PCDHGA2: variants seen among roughly 807,000 people sequenced by gnomAD.
PCDHGA2 encodes the protein protocadherin gamma-A2.
A neutral mutation model predicts 59.2 loss-of-function variants in PCDHGA2; 40 were observed. The ratio of observed to expected loss-of-function variants is 0.68; its 90% CI spans 0.52 to 0.88. The LOEUF (loss-of-function observed/expected upper bound fraction) is 0.88, where lower values mean the gene tolerates loss of function less well. PCDHGA2 is among the 40% of genes least tolerant of loss of function. The pLI, the probability that PCDHGA2 is intolerant of heterozygous loss-of-function variation, is 0.00. For missense variants in PCDHGA2, 1,226 were observed against 1,204.0 expected, an observed-to-expected ratio of 1.02 and a Z score of -0.27; for synonymous variants, 560 against 526.0, an observed-to-expected ratio of 1.06 and a Z score of -0.89.
In PCDHGA2 at chr5:141,432,446, C is replaced by T. The variant is rs765059815; in HGVS notation, c.2425-62361C>T. The T allele has an allele frequency of 1.2e-6, 2 of 1,614,256 alleles. No individual in the cohort carries two copies. Among genetic ancestry groups the T allele is most frequent in the Non-Finnish European group, 8.5e-7 (1 of 1,180,052 alleles). On this transcript the variant is annotated intron_variant, in intron 1 of 3. Transcript: ENST00000394576. The surrounding 1 kb of genome is among the most constrained non-coding windows in gnomAD (Gnocchi z 6.0). ...CCAGAACGACAATGCGCCCGAGATC[C>T]TGTACCCCGCCCTCCCCACGGACGG...
intron 1 of PCDHGA2, chr5:141,395,039 T>A: frequency 6.2e-7 from 1 of 1,614,020 alleles, no homozygotes; most frequent in Non-Finnish European, 8.5e-7. Context: ...ATTTTGTGGG[T>A]GTTGAGGAGG....
intron 1 of PCDHGA2, chr5:141,414,112 T>C (rs967826724): frequency 1.3e-6 from 2 of 1,592,428 alleles, no homozygotes; most frequent in African/African-American, 2.7e-5. Context: ...AAATCTAGAT[T>C]ATGAAGAAAC....
chr5:141,508,961 A>G (rs991011427), intron 3 of PCDHGA2, among the ~76,000 whole-genome samples: 2 of 151,978 alleles, frequency 1.3e-5, no homozygotes, highest in Non-Finnish European at 2.9e-5. Flanking sequence ...TGTCAGCGGA[A>G]TGAAAGGGCT....
chr5:141,428,110 C>G (rs917739943), intron 1 of PCDHGA2: 11 of 1,607,538 alleles, frequency 6.8e-6, no homozygotes, highest in Middle Eastern at 3.4e-4. Context: ...GTGCTGCAGG[C>G]CATCGAGCCC....
intron 1 of PCDHGA2, among the ~76,000 whole-genome samples, chr5:141,450,783 G>A (rs2879228): frequency 0.25 from 37,099 of 150,510 alleles, 4,810 homozygotes; most frequent in Admixed American, 0.32. Flanking sequence ...CACCGTGCCC[G>A]GACCTCATGA....
Position 141,409,742 on chromosome 5 carries a change from G to A in PCDHGA2, c.2424+68347G>A, listed in dbSNP as rs763304955. On this transcript the variant is annotated intron_variant, in intron 1 of 3. Coordinates refer to ENST00000394576, the MANE Select transcript of PCDHGA2 (RefSeq NM_018915.4). Reference sequence around the variant, plus strand: ...GTCAGTGAGCGCGCAGAGCGGGGTGGTGTTCGCGCAGCGCGCCTTTGATCA... The same window carrying A: ...GTCAGTGAGCGCGCAGAGCGGGGTGATGTTCGCGCAGCGCGCCTTTGATCA... 4.3e-6 allele frequency: 7 copies of A among 1,612,986 alleles called. No individual in the cohort carries two copies. In the South Asian group the frequency reaches 5.5e-5, roughly 13 times the overall value.
intron 1 of PCDHGA2, chr5:141,478,721 C>A: frequency 6.5e-7 from 1 of 1,543,216 alleles, no homozygotes; most frequent in Non-Finnish European, 8.8e-7. Context: ...TGGTGGCCTG[C>A]CAGAGTGTGG....
rs1452714844 is a variant in PCDHGA2, at chr5:141,389,265, G to A, written c.2424+47870G>A. ...GTCTTCCTATATAGTCCACGTGGCC[G>A]AGAACAACCCGCCTGGAGCCTCTAT... On this transcript the variant is annotated intron_variant, in intron 1 of 3. Transcript: ENST00000394576. 3.7e-6 allele frequency: 6 copies of A among 1,613,886 alleles called. No homozygotes were observed. The highest frequency in any genetic ancestry group is 4.5e-5 in the East Asian group (2 of 44,886).
chr5:141,505,694 G>A, intron 3 of PCDHGA2, among the ~76,000 whole-genome samples: 1 of 152,208 alleles, frequency 6.6e-6, no homozygotes, highest in East Asian at 1.9e-4. Flanking sequence ...GCCTGGAGGA[G>A]AGCGAACAAG....
chr5:141,485,609 G>T lies in PCDHGA2; in HGVS notation c.2425-9198G>T. On this transcript the variant is annotated intron_variant, in intron 1 of 3. Coordinates refer to ENST00000394576, the MANE Select transcript of PCDHGA2 (RefSeq NM_018915.4). The surrounding 1 kb of genome is among the most constrained non-coding windows in gnomAD (Gnocchi z 5.7). ...GCTGGACTTGGAAATTGGGGAGGCA[G>T]CTCCTCCAGGACAGCGTTTCCCGTT... The T allele has an allele frequency of 6.2e-7, 1 of 1,612,256 alleles. No homozygotes were observed. Among genetic ancestry groups the T allele is most frequent in the Non-Finnish European group, 8.5e-7 (1 of 1,178,656 alleles).
At chr5:141,360,672 T>G (rs1209548747) in intron 1 of PCDHGA2, 1 of 1,614,002 alleles carries the variant, frequency 6.2e-7, no homozygotes, top group East Asian at 2.2e-5. Flanking sequence ...AGTACTTTGA[T>G]CTCGCTGAGA....
intron 1 of PCDHGA2, chr5:141,399,667 C>T (rs752195462): frequency 1.2e-6 from 2 of 1,613,634 alleles, no homozygotes; most frequent in Non-Finnish European, 8.5e-7. Context: ...GTTCGCGCAG[C>T]GCGCCTTTGA....
rs766335156 is a variant in PCDHGA2 at position 141,345,889 on chromosome 5, T to C, written c.2424+4494T>C. On this transcript the variant is annotated intron_variant, in intron 1 of 3. Transcript: ENST00000394576. ...GCCAGCGAGCCGGGACTCTTCTCGGTGGGTCTGCACACGGGCGAGGTGCGC... is the reference window on the plus strand; with the variant it reads ...GCCAGCGAGCCGGGACTCTTCTCGGCGGGTCTGCACACGGGCGAGGTGCGC... The C allele has an allele frequency of 3.1e-6, 5 of 1,613,236 alleles. No individual in the cohort carries two copies. The Admixed American group carries it at 8.3e-5, about 27-fold the overall frequency.
At chr5:141,389,638 T>C in intron 1 of PCDHGA2, 1 of 1,612,986 alleles carries the variant, frequency 6.2e-7, no homozygotes, top group Non-Finnish European at 8.5e-7. Flanking sequence ...CCTGGCTACT[T>C]GGTGACCAAG....
chr5:141,433,357 G>GCCTA, intron 1 of PCDHGA2: 1 of 569,056 alleles, frequency 1.8e-6, no homozygotes, highest in Non-Finnish European at 3.1e-6. Context: ...CCTACTGTCT[G>GCCTA]CCTATCTATC....
At chr5:141,472,010 C>T (rs1305786275) in intron 1 of PCDHGA2, among the ~76,000 whole-genome samples, 1 of 151,978 alleles carries the variant, frequency 6.6e-6, no homozygotes, top group Non-Finnish European at 1.5e-5. Flanking sequence ...CGTATAGGGG[C>T]ACTATATTGT....
intron 1 of PCDHGA2, among the ~76,000 whole-genome samples, chr5:141,437,421 T>G (rs971034611): frequency 1.2e-4 from 19 of 152,238 alleles, no homozygotes; most frequent in African/African-American, 4.6e-4. Flanking sequence ...TTATGCTTTT[T>G]GAAGCAGCAA....
rs771155381 is a variant in PCDHGA2, at chr5:141,355,726, G to T, written c.2424+14331G>T. 5.6e-6 allele frequency: 9 copies of T among 1,613,978 alleles called. No individual in the cohort carries two copies. In the South Asian group the frequency reaches 9.9e-5, roughly 18 times the overall value. ...GCAGGGTTACCAGCTCAACTCAAAC[G>T]GTTACTTTTCCCTGGACGTGCAAAG... is the stretch of plus-strand genomic sequence containing the variant. On this transcript the variant is annotated intron_variant, in intron 1 of 3. Coordinates refer to ENST00000394576, the MANE Select transcript of PCDHGA2 (RefSeq NM_018915.4).
intron 1 of PCDHGA2, chr5:141,345,613 A>G: frequency 6.2e-7 from 1 of 1,614,080 alleles, no homozygotes; most frequent in East Asian, 2.2e-5. Flanking sequence ...CAATTTAGAG[A>G]CTTAAAGCTA....
Sources: gnomAD v4.1 joint callset for allele counts (sites outside exome capture counted in the v4.1 genomes callset) on GRCh38, gnomAD v4.1.1 for gene constraint, Gnocchi (gnomAD v3.1) non-coding constraint, MANE v1.5 for transcripts, NCBI Gene and HGNC (gene_info 2026-07-23, HGNC 2026-07-21) for gene names.